Variants in TMEM201 observed in about 807,000 individuals in gnomAD.
TMEM201 encodes the protein transmembrane protein 201.
A neutral mutation model predicts 63.4 loss-of-function variants in TMEM201; 26 were observed. The ratio of observed to expected loss-of-function variants is 0.41; its 90% confidence interval spans 0.30 to 0.57. The LOEUF is 0.57. Among genes scored for constraint, TMEM201 ranks in the 20% least tolerant of loss-of-function variants. The pLI, the probability that TMEM201 is intolerant of heterozygous loss-of-function variation, is 0.29. For missense variants in TMEM201, 794 were observed against 917.7 expected, an observed-to-expected ratio of 0.87 and a Z score of 1.74; for synonymous variants, 417 against 421.6, an observed-to-expected ratio of 0.99 and a Z score of 0.14.
intron 3 of TMEM201, 106 bp downstream of exon 3, chr1:9,597,159 G>C: frequency 7.5e-7 from 1 of 1,325,008 alleles, no homozygotes; most frequent in Non-Finnish European, 1.0e-6. Context: ...TCTGGCCCCT[G>C]CTCTGCTAGA....
intron 4 of TMEM201, 129 bp from the exon 5 acceptor site, chr1:9,600,976 G>C: frequency 1.3e-6 from 1 of 796,520 alleles, no homozygotes; most frequent in Non-Finnish European, 2.0e-6. Context: ...TGAGTGGTGA[G>C]TTTTTGAACC....
intron 9 of TMEM201, chr1:9,611,140 G>A: frequency 9.0e-7 from 1 of 1,112,704 alleles, no homozygotes; most frequent in Non-Finnish European, 1.2e-6. Flanking sequence ...AATGTTTATA[G>A]TTAGCCCCCA....
At position 9,601,218 on chromosome 1, in the gene TMEM201, C is replaced by T. The variant is rs200386879; in HGVS notation, c.720C>T (p.Phe240=). 5.5e-5 allele frequency: 88 copies of T among 1,612,228 alleles called. 2 individuals carry two copies. The East Asian group carries it at 7.4e-4, about 13-fold the overall frequency. ...TTALYGASGH[F]APGTTVPLAL... is the part of the protein sequence containing the mutation. Reference sequence around the variant, plus strand: ...CGCTGTATGGGGCCAGCGGACACTTCGCCCCAGGCACCACTGTGCCCCTGG... The same window carrying T: ...CGCTGTATGGGGCCAGCGGACACTTTGCCCCAGGCACCACTGTGCCCCTGG... Residue 240 remains phenylalanine (F), a synonymous_variant, in exon 5 of 11, where the codon TTC becomes TTT. Coordinates refer to ENST00000340381, the MANE Select transcript of TMEM201 (RefSeq NM_001130924.3).
At chr1:9,609,418 G>T (rs1433164373) in intron 7 of TMEM201, among the ~76,000 whole-genome samples, 1 of 152,226 alleles carries the variant, frequency 6.6e-6, no homozygotes. Flanking sequence ...GGCAGTTGGG[G>T]TCTGCAATTA....
Position 9,597,026 on chromosome 1 carries a change from G to A in TMEM201, c.402G>A (p.Gln134=). ...CNHHQTTKIK[Q]LAAFAPREEG... is the part of the protein sequence containing the mutation. ...ACCACCAGACCACCAAGATCAAGCA[G>A]CTGGCCGCCTTCGCTCCCCGCGAGG... The change falls in exon 3 of 11, where the codon CAG becomes CAA. Residue 134 remains glutamine (Q), a synonymous_variant. Transcript: ENST00000340381. The A allele has an allele frequency of 6.2e-7, 1 of 1,609,168 alleles. No individual in the cohort carries two copies. Among genetic ancestry groups the A allele is most frequent in the Non-Finnish European group, 8.5e-7 (1 of 1,176,766 alleles).
intron 7 of TMEM201, among the ~76,000 whole-genome samples, chr1:9,609,627 G>A (rs1164869669): frequency 1.3e-5 from 2 of 152,154 alleles, no homozygotes; most frequent in South Asian, 2.1e-4. Context: ...GAGCCACTGC[G>A]CCCAGCCCAA....
intron 10 of TMEM201, among the ~76,000 whole-genome samples, chr1:9,612,214 T>C (rs768970789): frequency 1.3e-4 from 20 of 152,178 alleles, no homozygotes; most frequent in Admixed American, 5.9e-4. Context: ...AAGTGCTCAG[T>C]AGGCACCTGT....
chr1:9,602,390 CACCCCCACCCT>C, intron 6 of TMEM201, 118 bp downstream of exon 6: 1 of 1,485,826 alleles, frequency 6.7e-7, no homozygotes, highest in East Asian at 2.5e-5. Flanking sequence ...CACGCCCTCC[CACCCCCACCCT>C]ACAGCCCCAG....
rs1644196742 is a variant in TMEM201 at position 9,603,999 on chromosome 1, G to A, written c.1160+1727G>A. On this transcript the variant is annotated intron_variant, in intron 6 of 10. Coordinates refer to ENST00000340381, the MANE Select transcript of TMEM201 (RefSeq NM_001130924.3). The surrounding 1 kb of genome is among the most constrained non-coding windows in gnomAD (Gnocchi z 4.5). ...GTGAGCCAAAGCGGCCCCCCATGGT[G>A]TCTACCTGAGGGGCAGGGAACCGCC... 1 of 985,434 alleles carries A rather than the reference G, an allele frequency of 1.0e-6. No homozygotes were observed. The highest frequency in any genetic ancestry group is 1.2e-6 in the Non-Finnish European group (1 of 829,944). The allele number at this position is 985,434 out of a possible 1,614,324, so 61.0% of individuals were successfully genotyped here. A position where few individuals can be genotyped will look rare whatever the true frequency, so the allele number is the denominator to read the frequency against.
Position 9,604,057 on chromosome 1 carries a change from A to G in TMEM201, c.1160+1785A>G. ...GCACTCACGCCACCCCCCAGCCCACAAAGAGCCCATCTGAGAGAAGGACGT... is the reference window on the plus strand; with the variant it reads ...GCACTCACGCCACCCCCCAGCCCACGAAGAGCCCATCTGAGAGAAGGACGT... On this transcript the variant is annotated intron_variant, in intron 6 of 10. Coordinates refer to ENST00000340381, the MANE Select transcript of TMEM201 (RefSeq NM_001130924.3). This position sits in a 1 kb window ranked among gnomAD's most constrained non-coding sequence, Gnocchi z 4.1. The G allele has an allele frequency of 1.0e-6, 1 of 985,458 alleles. No homozygotes were observed. The highest frequency in any genetic ancestry group is 1.2e-6 in the Non-Finnish European group (1 of 829,954). 61.0% of individuals were successfully genotyped at this position (985,458 alleles called of 1,614,324 possible).
At chr1:9,611,398 A>G (rs1316312087) in intron 9 of TMEM201, among the ~76,000 whole-genome samples, 2 of 152,178 alleles carry the variant, frequency 1.3e-5, no homozygotes. Flanking sequence ...GGATATCACC[A>G]TGTTTCCCAG....
In TMEM201 at chr1:9,607,437, T is replaced by C; in HGVS notation, c.1161-120T>C. On this transcript the variant is annotated intron_variant, in intron 6 of 10. Coordinates refer to ENST00000340381, the MANE Select transcript of TMEM201 (RefSeq NM_001130924.3). The surrounding 1 kb of genome is among the most constrained non-coding windows in gnomAD (Gnocchi z 5.4). ...TGCTTTAACTAACGCACGCCTCCTC[T>C]GGGACCCCAGCTGAGGCCCCCACCT... The C allele has an allele frequency of 1.4e-6, 1 of 732,716 alleles. No homozygotes were observed. The allele number at this position is 732,716 out of a possible 1,614,324, so 45.4% of individuals were successfully genotyped here. A position where few individuals can be genotyped will look rare whatever the true frequency, so the allele number is the denominator to read the frequency against.
At chr1:9,596,510 C>T (rs756375480) in intron 2 of TMEM201, among the ~76,000 whole-genome samples, 13 of 152,212 alleles carry the variant, frequency 8.5e-5, no homozygotes, top group African/African-American at 1.2e-4. Context: ...AGCTCCTCCA[C>T]GGGTCATAGT....
At chr1:9,590,937 G>A (rs1643908991) in intron 1 of TMEM201, among the ~76,000 whole-genome samples, 1 of 152,256 alleles carries the variant, frequency 6.6e-6, no homozygotes, top group South Asian at 2.1e-4. Context: ...GGGAGGGCAT[G>A]TAAGGAGAGC....
At chr1:9,598,769 GA>G in intron 4 of TMEM201, 144 bp downstream of exon 4, 1 of 876,594 alleles carries the variant, frequency 1.1e-6, no homozygotes, top group Non-Finnish European at 1.6e-6. Context: ...TTATTTTTGA[GA>G]TAAAGTTTTG....
rs772538842 is a variant in TMEM201 at position 9,612,958 on chromosome 1, A to G, written c.1904-28A>G. 33 of 1,549,080 alleles carry G rather than the reference A, an allele frequency of 2.1e-5. No individual in the cohort carries two copies. In the African/African-American group the frequency reaches 2.6e-4, roughly 12 times the overall value. On this transcript the variant is annotated intron_variant, in intron 10 of 10. Coordinates refer to ENST00000340381, the MANE Select transcript of TMEM201 (RefSeq NM_001130924.3). ...CACAGCGAACCCACCCACCCAAACA[A>G]TGTTCTGACCAGGTCTCTGCTTTGC...
In TMEM201 at chr1:9,601,130, C is replaced by T. The variant is rs1398789954; in HGVS notation, c.632C>T (p.Pro211Leu). 2.5e-6 allele frequency: 4 copies of T among 1,594,138 alleles called. No individual in the cohort carries two copies. The highest frequency in any genetic ancestry group is 2.3e-5 in the East Asian group (1 of 44,368). ...AACTTCTCCTCCGCCGTGAAGTCCC[C>T]GGTCCAGGTCATCCTGCTCCGTGCC... is the stretch of plus-strand genomic sequence containing the variant. ...AQNFSSAVKSPVQVILLRALA... is the reference protein window; with the variant it reads ...AQNFSSAVKSLVQVILLRALA... The change falls in exon 5 of 11, where the codon CCG becomes CTG. Residue 211 changes from proline to leucine, a missense_variant. By Grantham distance (98) the Pro-to-Leu change is moderately conservative. Coordinates refer to ENST00000340381, the MANE Select transcript of TMEM201 (RefSeq NM_001130924.3).
At chr1:9,598,705 G>T in intron 4 of TMEM201, 80 bp downstream of exon 4, 1 of 1,412,686 alleles carries the variant, frequency 7.1e-7, no homozygotes, top group South Asian at 1.3e-5. Context: ...GGGCACTAGT[G>T]ACCAGAGGGT....
chr1:9,597,077 G>A (rs759930824), intron 3 of TMEM201, 24 bp downstream of exon 3: 110 of 1,586,810 alleles, frequency 6.9e-5, no homozygotes, highest in Non-Finnish European at 8.8e-5. Flanking sequence ...GGGAGGGCAG[G>A]GGTCCTGGCT....
Sources: gnomAD v4.1 joint callset for allele counts (sites outside exome capture counted in the v4.1 genomes callset) on GRCh38, gnomAD v4.1.1 for gene constraint, Gnocchi (gnomAD v3.1) non-coding constraint, MANE v1.5 for transcripts, NCBI Gene and HGNC (gene_info 2026-07-23, HGNC 2026-07-21) for gene names.